MSRA: variants seen among roughly 807,000 people sequenced by gnomAD.
MSRA encodes mitochondrial peptide methionine sulfoxide reductase.
Under a neutral mutation model 31.3 loss-of-function variants are expected in MSRA, and 54 were observed. That is an observed-to-expected ratio of 1.73 (90% CI 1.39 to 2.17). The LOEUF (loss-of-function observed/expected upper bound fraction) is 2.17. MSRA is among the 30% of genes most tolerant of loss of function. The pLI, the probability that MSRA is intolerant of heterozygous loss-of-function variation, is 0.00. For synonymous variants in MSRA, 169 were observed against 116.5 expected, an observed-to-expected ratio of 1.45 and a Z score of -2.90; for missense variants, 507 against 300.9, an observed-to-expected ratio of 1.69 and a Z score of -5.07.
intron 1 of MSRA, among the ~76,000 whole-genome samples, chr8:10,201,917 G>A (rs1210536368): frequency 1.3e-5 from 2 of 152,254 alleles, no homozygotes; most frequent in African/African-American, 4.8e-5. Context: ...TGTGCCCCTT[G>A]TAGCAGAGAA....
intron 5 of MSRA, among the ~76,000 whole-genome samples, chr8:10,363,356 C>A (rs1323191935): frequency 6.6e-6 from 1 of 152,264 alleles, no homozygotes; most frequent in East Asian, 1.9e-4. Context: ...TTCCGTGACT[C>A]ACAGGGCCAA....
intron 3 of MSRA, among the ~76,000 whole-genome samples, chr8:10,253,422 A>G (rs942214424): frequency 2.6e-5 from 4 of 152,262 alleles, no homozygotes; most frequent in African/African-American, 9.6e-5. Context: ...TCAAAGGTCA[A>G]CAGACTGACA....
intron 3 of MSRA, among the ~76,000 whole-genome samples, chr8:10,290,588 C>T (rs1434110667): frequency 6.6e-6 from 1 of 152,178 alleles, no homozygotes; most frequent in East Asian, 1.9e-4. Flanking sequence ...CCCCAGCTCT[C>T]CTGTATCGGA....
intron 5 of MSRA, among the ~76,000 whole-genome samples, chr8:10,333,513 C>T (rs1031555958): frequency 3.9e-5 from 6 of 152,152 alleles, no homozygotes; most frequent in African/African-American, 1.4e-4. Context: ...GCAGCAGTGG[C>T]TCTGTACTTG....
intron 5 of MSRA, among the ~76,000 whole-genome samples, chr8:10,361,176 C>T (rs541605753): frequency 2.6e-5 from 4 of 152,318 alleles, no homozygotes; most frequent in African/African-American, 7.2e-5. Context: ...TTCTTGGAGA[C>T]ATAATTACCA....
rs76361962 is a variant in MSRA, at chr8:10,384,899, A to G, written c.544-43249A>G. On this transcript the variant is annotated intron_variant, in intron 5 of 5. Transcript: ENST00000317173. Reference sequence around the variant, plus strand: ...TACCTGCAGCCCCAGTTGCTCAGGAAGCTGAGCCAGAAGGATCACTTGAGC... The same window carrying G: ...TACCTGCAGCCCCAGTTGCTCAGGAGGCTGAGCCAGAAGGATCACTTGAGC... Among the ~76,000 whole-genome samples the G allele has an allele frequency of 1.0e-2, 1,521 of 152,256 alleles. 7 individuals carry two copies. Among genetic ancestry groups the G allele is most frequent in the Non-Finnish European group, 0.016 (1,095 of 68,008 alleles).
At chr8:10,293,652 A>G (rs185303229) in intron 3 of MSRA, among the ~76,000 whole-genome samples, 31 of 152,172 alleles carry the variant, frequency 2.0e-4, no homozygotes, top group Admixed American at 1.8e-3. Flanking sequence ...TGGTTCCCCA[A>G]CCTCTTCCTC....
chr8:10,413,018 C>T (rs1422931739), intron 5 of MSRA, among the ~76,000 whole-genome samples: 1 of 152,214 alleles, frequency 6.6e-6, no homozygotes, highest in African/African-American at 2.4e-5. Context: ...AAACCCATTC[C>T]CAAATGTTTA....
intron 3 of MSRA, among the ~76,000 whole-genome samples, chr8:10,294,205 A>T (rs1350237583): frequency 6.6e-6 from 1 of 152,080 alleles, no homozygotes; most frequent in African/African-American, 2.4e-5. Flanking sequence ...CTCTATCTCT[A>T]AATAAATAAA....
rs144846265 is a variant in MSRA, at chr8:10,199,760, C to G, written c.143-8073C>G. 1.9e-3 allele frequency among the ~76,000 whole-genome samples: 284 copies of G among 152,298 alleles called. 3 individuals carry two copies. The highest frequency in any genetic ancestry group is 6.5e-3 in the African/African-American group (271 of 41,546). On this transcript the variant is annotated intron_variant, in intron 1 of 5. Transcript: ENST00000317173. ...ATTCTATTAAAAATGTGTCCTCATC[C>G]TTATTTCCTCACTCTTTGGGCTAAA...
chr8:10,197,778 G>T (rs1328940545), intron 1 of MSRA, among the ~76,000 whole-genome samples: 1 of 152,186 alleles, frequency 6.6e-6, no homozygotes, highest in Non-Finnish European at 1.5e-5. Flanking sequence ...TGACCAGAGA[G>T]GATGTCAAAG....
At chr8:10,257,873 C>T (rs2129091056) in intron 3 of MSRA, among the ~76,000 whole-genome samples, 1 of 152,246 alleles carries the variant, frequency 6.6e-6, no homozygotes, top group African/African-American at 2.4e-5. Context: ...TGTCTCCAGC[C>T]AGGTCAGCGC....
chr8:10,170,065 T>TTA (rs1554474790), intron 1 of MSRA, among the ~76,000 whole-genome samples: 1 of 148,234 alleles, frequency 6.7e-6, no homozygotes, highest in Non-Finnish European at 1.5e-5. Context: ...TTTTTTTTTT[T>TTA]AAGTAGAGAC....
At chr8:10,224,772 G>T (rs947722421) in intron 2 of MSRA, among the ~76,000 whole-genome samples, 1 of 152,218 alleles carries the variant, frequency 6.6e-6, no homozygotes, top group Non-Finnish European at 1.5e-5. Flanking sequence ...TTGGTCACTA[G>T]AAAGATTCCT....
chr8:10,140,952 C>T (rs987633679), intron 1 of MSRA, among the ~76,000 whole-genome samples: 16 of 152,106 alleles, frequency 1.1e-4, no homozygotes, highest in African/African-American at 3.9e-4. Flanking sequence ...CAAAACGAGC[C>T]ATACACCTAA....
At chr8:10,384,386 G>A (rs1275662782) in intron 5 of MSRA, among the ~76,000 whole-genome samples, 1 of 152,210 alleles carries the variant, frequency 6.6e-6, no homozygotes, top group Non-Finnish European at 1.5e-5. Context: ...ACAGACCAGT[G>A]TCAATAAAGC....
At chr8:10,337,936 A>T in intron 5 of MSRA, 1 of 640,450 alleles carries the variant, frequency 1.6e-6, no homozygotes, top group Non-Finnish European at 2.8e-6. Flanking sequence ...GACTAATAAG[A>T]CTTGGAAGTA....
intron 5 of MSRA, among the ~76,000 whole-genome samples, chr8:10,321,277 TA>T (rs1283545906): frequency 6.6e-6 from 1 of 152,168 alleles, no homozygotes; most frequent in Non-Finnish European, 1.5e-5. Flanking sequence ...GAAGCTACTA[TA>T]AAGCTAATCT....
intron 5 of MSRA, among the ~76,000 whole-genome samples, chr8:10,358,407 G>A (rs1024371800): frequency 1.3e-5 from 2 of 151,826 alleles, no homozygotes; most frequent in African/African-American, 4.8e-5. Context: ...CAATTTTTGT[G>A]GCTATGTCAT....
Sources: gnomAD v4.1 joint callset for allele counts (sites outside exome capture counted in the v4.1 genomes callset) on GRCh38, gnomAD v4.1.1 for gene constraint, MANE v1.5 for transcripts, NCBI Gene and HGNC (gene_info 2026-07-23, HGNC 2026-07-21) for gene names.